The following DCC variants were observed in gnomAD, a reference collection of about 807,000 sequenced individuals.
DCC encodes the protein DCC netrin 1 receptor.
Under a neutral mutation model 172.5 loss-of-function variants are expected in DCC, and 58 were observed. That is an observed-to-expected ratio of 0.34 (90% confidence interval 0.27 to 0.42). The LOEUF (loss-of-function observed/expected upper bound fraction) is 0.42, where lower values mean the gene tolerates loss of function less well. DCC is among the 10% of genes least tolerant of loss of function. The pLI, the probability that DCC is intolerant of heterozygous loss-of-function variation, is 1.00. For synonymous variants in DCC, 709 were observed against 644.5 expected (o/e 1.10, Z -1.52); for missense variants, 1,740 against 1,791.0 (o/e 0.97, Z 0.51).
chr18:53,126,083 T>A (rs971170533), intron 7 of DCC, among the ~76,000 whole-genome samples: 1 of 152,038 alleles, frequency 6.6e-6, no homozygotes, highest in African/African-American at 2.4e-5. Context: ...TAAAGAGACA[T>A]GAGAGAAATT....
intron 12 of DCC, among the ~76,000 whole-genome samples, chr18:53,303,055 T>C (rs1052129932): frequency 1.3e-5 from 2 of 152,202 alleles, no homozygotes; most frequent in Admixed American, 6.5e-5. Context: ...TTATCATTTT[T>C]GCTAATTTTC....
chr18:53,296,207 C>A (rs181307672), intron 12 of DCC, among the ~76,000 whole-genome samples: 42 of 152,216 alleles, frequency 2.8e-4, no homozygotes, highest in Non-Finnish European at 2.9e-4. Flanking sequence ...CTGCTGTTTT[C>A]CACTTCTGCT....
intron 13 of DCC, among the ~76,000 whole-genome samples, chr18:53,321,091 C>T (rs1307556989): frequency 1.3e-5 from 2 of 152,114 alleles, no homozygotes; most frequent in Non-Finnish European, 2.9e-5. Context: ...ATTCATCTTC[C>T]TATGCAAAAA....
intron 12 of DCC, among the ~76,000 whole-genome samples, chr18:53,238,900 A>G (rs2056244358): frequency 6.6e-6 from 1 of 152,076 alleles, no homozygotes; most frequent in Admixed American, 6.6e-5. Flanking sequence ...AGCCATACCT[A>G]GTATTATTTA....
intron 1 of DCC, among the ~76,000 whole-genome samples, chr18:52,625,107 GCGTATCTAAA>G (rs1400676196): frequency 7.1e-6 from 1 of 140,072 alleles, no homozygotes; most frequent in South Asian, 2.2e-4. Flanking sequence ...AGTGGTTTTT[GCGTATCTAAA>G]CATATCTAAA....
chr18:53,414,283 A>G (rs1203719467), intron 20 of DCC, among the ~76,000 whole-genome samples: 1 of 152,160 alleles, frequency 6.6e-6, no homozygotes, highest in African/African-American at 2.4e-5. Context: ...CATAGTTCCT[A>G]TAAATAATAT....
At chr18:53,175,666 T>C (rs897019073) in intron 8 of DCC, among the ~76,000 whole-genome samples, 2 of 151,866 alleles carry the variant, frequency 1.3e-5, no homozygotes, top group Admixed American at 6.6e-5. Context: ...CACTGCTCAA[T>C]GAAATCAAAG....
chr18:52,818,109 G>A (rs1189901513), intron 2 of DCC: 3 of 152,126 alleles, frequency 2.0e-5, no homozygotes, highest in African/African-American at 4.8e-5. Context: ...TGGGCACAGG[G>A]GCTCATGCCT....
At chr18:52,865,718 G>A (rs4552105) in intron 2 of DCC, among the ~76,000 whole-genome samples, 69,184 of 151,222 alleles carry the variant, frequency 0.46, 15,958 homozygotes, top group South Asian at 0.55. Context: ...TTGTAAATTT[G>A]TTTAAGTTCC....
intron 1 of DCC, among the ~76,000 whole-genome samples, chr18:52,687,797 T>G (rs2035866606): frequency 6.6e-6 from 1 of 152,006 alleles, no homozygotes; most frequent in African/African-American, 2.4e-5. Flanking sequence ...CAAGAGTGTA[T>G]AGGTATTGTG....
chr18:52,849,177 C>T (rs2038938295), intron 2 of DCC, among the ~76,000 whole-genome samples: 1 of 152,042 alleles, frequency 6.6e-6, no homozygotes, highest in Non-Finnish European at 1.5e-5. Flanking sequence ...AAAAGGCTTT[C>T]TCAGGTTTTT....
intron 23 of DCC, among the ~76,000 whole-genome samples, chr18:53,453,376 CT>C (rs1206557201): frequency 6.6e-6 from 1 of 152,146 alleles, no homozygotes; most frequent in Non-Finnish European, 1.5e-5. Context: ...GAAAATTGGA[CT>C]TTAATGTAAT....
intron 27 of DCC, among the ~76,000 whole-genome samples, chr18:53,517,257 A>C (rs1453625229): frequency 6.7e-6 from 1 of 149,836 alleles, no homozygotes; most frequent in Admixed American, 6.7e-5. Context: ...ATGAGAACCC[A>C]TGGACACAGG....
In DCC at chr18:53,086,604, CTTCTTCTTCT is replaced by C. The variant is rs1238308503; in HGVS notation, c.1261+20450_1261+20459del. On this transcript the variant is annotated intron_variant, in intron 7 of 28. Coordinates refer to ENST00000442544, the MANE Select transcript of DCC (RefSeq NM_005215.4). ...CTTCTTCCTTCTTCTTCTTCTTCTT[CTTCTTCTTCT>C]TTCTTCTTCTTGTTTTAGGGTACAT... Among the ~76,000 whole-genome samples, 2 of 41,684 alleles carry C rather than the reference CTTCTTCTTCT, an allele frequency of 4.8e-5. 1 individual carries two copies. The highest frequency in any genetic ancestry group is 9.2e-5 in the Non-Finnish European group (2 of 21,782). The allele number at this position is 41,684 out of a possible 152,430, so 27.3% of individuals were successfully genotyped here.
At chr18:53,080,445 CTTTG>C (rs1378623879) in intron 7 of DCC, among the ~76,000 whole-genome samples, 1 of 152,102 alleles carries the variant, frequency 6.6e-6, no homozygotes, top group Non-Finnish European at 1.5e-5. Flanking sequence ...AAGGCAAATA[CTTTG>C]TTTTACTGAT....
At chr18:53,432,740 CATT>C (rs3059177) in intron 21 of DCC, among the ~76,000 whole-genome samples, 58,736 of 150,522 alleles carry the variant, frequency 0.39, 12,301 homozygotes, top group African/African-American at 0.56. Context: ...AATCTTTTAT[CATT>C]ATTATTATTA....
intron 7 of DCC, among the ~76,000 whole-genome samples, chr18:53,092,783 C>T (rs2043032777): frequency 6.6e-6 from 1 of 152,038 alleles, no homozygotes; most frequent in Non-Finnish European, 1.5e-5. Flanking sequence ...TTTTTCCTTC[C>T]ATATACCAAT....
intron 2 of DCC, among the ~76,000 whole-genome samples, chr18:52,806,812 C>CA (rs1002105024): frequency 1.8e-4 from 27 of 152,260 alleles, no homozygotes; most frequent in African/African-American, 6.5e-4. Context: ...CTTCAGAAGT[C>CA]AAGTGAGCCA....
In DCC at chr18:53,134,891, T is replaced by C. The variant is rs899405247; in HGVS notation, c.1262-22465T>C. On this transcript the variant is annotated intron_variant, in intron 7 of 28. Coordinates refer to ENST00000442544, the MANE Select transcript of DCC (RefSeq NM_005215.4). ...ACAGGAGACAAACTGGAAATTGTAT[T>C]CCCTCAATTCCTAGCAGCTGATTCC... 2.0e-5 allele frequency among the ~76,000 whole-genome samples: 3 copies of C among 152,098 alleles called. No homozygotes were observed. The East Asian group carries it at 5.8e-4, about 29-fold the overall frequency.
Sources: gnomAD v4.1 joint callset for allele counts (sites outside exome capture counted in the v4.1 genomes callset) on GRCh38, gnomAD v4.1.1 for gene constraint, MANE v1.5 for transcripts, NCBI Gene and HGNC (gene_info 2026-07-23, HGNC 2026-07-21) for gene names.